FGFR1OP2: variants seen among roughly 807,000 people sequenced by gnomAD.
FGFR1OP2 encodes FGFR1 oncogene partner 2.
Under a neutral mutation model 35.2 loss-of-function variants are expected in FGFR1OP2, and 17 were observed. That is an observed-to-expected ratio of 0.48 (90% CI 0.33 to 0.73). FGFR1OP2 has a LOEUF of 0.73. Ranked by LOEUF, FGFR1OP2 falls within the 30% of genes least tolerant of loss-of-function variation. The pLI, the probability that FGFR1OP2 is intolerant of heterozygous loss-of-function variation, is 0.02. For synonymous variants in FGFR1OP2, 105 were observed against 104.6 expected, an observed-to-expected ratio of 1.00 and a Z score of -0.03; for missense variants, 251 against 307.3, an observed-to-expected ratio of 0.82 and a Z score of 1.37.
At chr12:26,944,198 A>T (rs574172092) in intron 1 of FGFR1OP2, among the ~76,000 whole-genome samples, 77 of 152,278 alleles carry the variant, frequency 5.1e-4, no homozygotes, top group African/African-American at 1.8e-3. Flanking sequence ...GGGGTTTTCT[A>T]CATAGACAAC....
intron 5 of FGFR1OP2, chr12:26,962,984 A>G (rs1487885663): frequency 6.3e-6 from 1 of 159,162 alleles, no homozygotes; most frequent in Non-Finnish European, 1.4e-5. Context: ...AGGAAAAGAG[A>G]TTGAATGCGT....
At position 26,965,842 on chromosome 12, in the gene FGFR1OP2, A is replaced by AT. The variant is rs1348475859; in HGVS notation, c.*1116dup. The AT allele has an allele frequency of 6.6e-6, 1 of 151,990 alleles. No homozygotes were observed. The highest frequency in any genetic ancestry group is 1.5e-5 in the Non-Finnish European group (1 of 67,932). 9.4% of individuals were successfully genotyped at this position (151,990 alleles called of 1,614,324 possible). ...TAAAATGTCAAATATATAATATGTA[A>AT]TTTTTTTAAAAACCACCAGATACAG... On this transcript the variant is annotated 3_prime_UTR_variant, in exon 7 of 7. Coordinates refer to ENST00000229395, the MANE Select transcript of FGFR1OP2 (RefSeq NM_015633.3).
rs1939091324 is a variant in FGFR1OP2, at chr12:26,960,619, A to G, written c.501A>G (p.Ala167=). 2 of 1,612,818 alleles carry G rather than the reference A, an allele frequency of 1.2e-6. No homozygotes were observed. The highest frequency in any genetic ancestry group is 1.7e-5 in the Admixed American group (1 of 59,968). The change falls in exon 5 of 7, where the codon GCA becomes GCG. Residue 167 remains alanine, a synonymous_variant. Transcript: ENST00000229395. ...QHGLERRHLE[A]NQNELQAHVD... is the part of the protein sequence containing the mutation. ...GACTGGAGAGAAGGCACTTGGAAGC[A>G]AATCAGAATGTACACTAAATAAACA...
intron 4 of FGFR1OP2, among the ~76,000 whole-genome samples, chr12:26,960,270 A>G (rs560668709): frequency 2.9e-4 from 44 of 152,310 alleles, no homozygotes; most frequent in African/African-American, 1.0e-3. Flanking sequence ...TGAGACTGTT[A>G]TAATACAGAA....
chr12:26,956,737 G>C, intron 3 of FGFR1OP2, 77 bp downstream of exon 3: 1 of 715,066 alleles, frequency 1.4e-6, no homozygotes, highest in Non-Finnish European at 2.2e-6. Flanking sequence ...TCTTTATCCT[G>C]TCCCACATAT....
intron 4 of FGFR1OP2, 135 bp downstream of exon 4, chr12:26,957,878 T>C: frequency 3.1e-6 from 2 of 640,730 alleles, no homozygotes; most frequent in Non-Finnish European, 4.7e-6. Context: ...TTCATCTTTT[T>C]AATTGACATT....
At chr12:26,954,691 C>T (rs1938991250) in intron 2 of FGFR1OP2, among the ~76,000 whole-genome samples, 1 of 152,134 alleles carries the variant, frequency 6.6e-6, no homozygotes, top group South Asian at 2.1e-4. Flanking sequence ...AACAAAATAG[C>T]TTTTGAAAAT....
chr12:26,955,300 T>C (rs1438694726), intron 2 of FGFR1OP2, among the ~76,000 whole-genome samples: 1 of 152,206 alleles, frequency 6.6e-6, no homozygotes, highest in Non-Finnish European at 1.5e-5. Context: ...TAATGGAAAA[T>C]CTTTTTGCAT....
intron 1 of FGFR1OP2, among the ~76,000 whole-genome samples, chr12:26,945,990 TGCTG>T (rs2136349340): frequency 6.6e-6 from 1 of 151,914 alleles, no homozygotes; most frequent in African/African-American, 2.4e-5. Flanking sequence ...ATGTGTACTC[TGCTG>T]TTGTTGGTTG....
intron 4 of FGFR1OP2, among the ~76,000 whole-genome samples, chr12:26,959,590 A>G (rs1314409009): frequency 1.3e-5 from 2 of 152,188 alleles, no homozygotes; most frequent in African/African-American, 2.4e-5. Flanking sequence ...AGATTTTACT[A>G]TTCACCAGAG....
intron 1 of FGFR1OP2, among the ~76,000 whole-genome samples, chr12:26,942,828 G>A (rs1367350488): frequency 6.6e-6 from 1 of 151,728 alleles, no homozygotes; most frequent in Non-Finnish European, 1.5e-5. Context: ...AGACTTTTTT[G>A]TATTCTAGAT....
intron 1 of FGFR1OP2, among the ~76,000 whole-genome samples, chr12:26,950,415 A>G (rs1938908480): frequency 6.6e-6 from 1 of 150,882 alleles, no homozygotes; most frequent in Non-Finnish European, 1.5e-5. Flanking sequence ...TTTAGTAGAG[A>G]CGGAGTTTCA....
At chr12:26,948,067 A>G (rs1938857874) in intron 1 of FGFR1OP2, among the ~76,000 whole-genome samples, 1 of 152,208 alleles carries the variant, frequency 6.6e-6, no homozygotes, top group Non-Finnish European at 1.5e-5. Context: ...TACAACTTCA[A>G]GTGAAATGTA....
chr12:26,959,877 A>T (rs1267749282), intron 4 of FGFR1OP2, among the ~76,000 whole-genome samples: 3 of 152,186 alleles, frequency 2.0e-5, no homozygotes, highest in Admixed American at 2.0e-4. Flanking sequence ...AGCTTGCAGT[A>T]TAGTGGGAGA....
chr12:26,948,332 G>A (rs1831293937), intron 1 of FGFR1OP2, among the ~76,000 whole-genome samples: 2 of 152,108 alleles, frequency 1.3e-5, no homozygotes, highest in African/African-American at 2.4e-5. Context: ...TTTATAATAA[G>A]TCTACTGGAA....
intron 6 of FGFR1OP2, among the ~76,000 whole-genome samples, chr12:26,964,301 T>A (rs1939142246): frequency 6.6e-6 from 1 of 152,162 alleles, no homozygotes; most frequent in African/African-American, 2.4e-5. Flanking sequence ...TGTTATTTTC[T>A]TCATCTCTAA....
At chr12:26,939,895 A>G (rs1438217147) in intron 1 of FGFR1OP2, among the ~76,000 whole-genome samples, 2 of 152,180 alleles carry the variant, frequency 1.3e-5, no homozygotes, top group African/African-American at 4.8e-5. Context: ...AAATCATAGA[A>G]TTTTGGGCCA....
chr12:26,963,946 C>T (rs530275122), intron 6 of FGFR1OP2, among the ~76,000 whole-genome samples: 13 of 152,090 alleles, frequency 8.5e-5, no homozygotes, highest in South Asian at 2.1e-4. Context: ...GAAATCACGG[C>T]GGGGAACCTG....
chr12:26,960,541 C>T lies in FGFR1OP2; in HGVS notation c.423C>T (p.Ser141=), dbSNP rs773031830. 25 of 1,612,946 alleles carry T rather than the reference C, an allele frequency of 1.5e-5. No homozygotes were observed. Among genetic ancestry groups the T allele is most frequent in the East Asian group, 4.5e-5 (2 of 44,836 alleles). The change falls in exon 5 of 7, where the codon TCC becomes TCT. Residue 141 remains serine, a synonymous_variant. Coordinates refer to ENST00000229395, the MANE Select transcript of FGFR1OP2 (RefSeq NM_015633.3). The part of the protein sequence containing the change: ...SKIDMVHRNK[S]EGFFLDASRH... ...TTGACATGGTACATCGTAACAAGTC[C>T]GAAGGATTCTTCCTTGATGCATCTC...
Sources: gnomAD v4.1 joint callset for allele counts (sites outside exome capture counted in the v4.1 genomes callset) on GRCh38, gnomAD v4.1.1 for gene constraint, MANE v1.5 for transcripts, NCBI Gene and HGNC (gene_info 2026-07-23, HGNC 2026-07-21) for gene names.